The following PCDHA6 variants were observed in gnomAD, a reference collection of about 807,000 sequenced individuals.
The protein encoded by PCDHA6 is protocadherin alpha 6.
Under a neutral mutation model 60.3 loss-of-function variants are expected in PCDHA6, and 55 were observed. The observed-to-expected ratio is 0.91, with a 90% CI of 0.73 to 1.14. The LOEUF (loss-of-function observed/expected upper bound fraction) is 1.14. Among genes scored for constraint, PCDHA6 ranks in the 50% most tolerant of loss-of-function variants. PCDHA6 has a pLI of 0.00. For missense variants in PCDHA6, 1,327 were observed against 1,256.5 expected (o/e 1.06, Z -0.85); for synonymous variants, 652 against 557.9 (o/e 1.17, Z -2.38).
chr5:140,859,587 C>T, intron 1 of PCDHA6: 1 of 166,890 alleles, frequency 6.0e-6, no homozygotes, highest in Non-Finnish European at 1.3e-5. Context: ...TTGCCTATGG[C>T]TCTTAGCAAT....
intron 1 of PCDHA6, chr5:140,882,402 T>A (rs782437506): frequency 3.7e-6 from 6 of 1,614,052 alleles, no homozygotes; most frequent in South Asian, 1.1e-5. Flanking sequence ...GGCACCTTCG[T>A]GGGCCGCATC....
At chr5:140,943,650 C>A (rs2093540673) in intron 1 of PCDHA6, among the ~76,000 whole-genome samples, 1 of 151,974 alleles carries the variant, frequency 6.6e-6, no homozygotes, top group African/African-American at 2.4e-5. Flanking sequence ...ATAAAACCAT[C>A]TATGAACAAT....
At chr5:140,890,995 AATTATTG>A (rs2062893933) in intron 1 of PCDHA6, among the ~76,000 whole-genome samples, 1 of 152,138 alleles carries the variant, frequency 6.6e-6, no homozygotes, top group Non-Finnish European at 1.5e-5. Context: ...ATTTCATCAT[AATTATTG>A]AAAAGCATTT....
At chr5:140,991,505 G>T (rs2097456335) in intron 3 of PCDHA6, among the ~76,000 whole-genome samples, 1 of 152,180 alleles carries the variant, frequency 6.6e-6, no homozygotes, top group Admixed American at 6.5e-5. Context: ...AGTTTCACTG[G>T]CTAAAATCAA....
chr5:140,854,977 TAA>T (rs1490138607), intron 1 of PCDHA6, among the ~76,000 whole-genome samples: 1 of 149,962 alleles, frequency 6.7e-6, no homozygotes, highest in Non-Finnish European at 1.5e-5. Flanking sequence ...GAATTATAAT[TAA>T]GATTCTTTTT....
chr5:140,862,365 G>A (rs569361686), intron 1 of PCDHA6: 7 of 337,896 alleles, frequency 2.1e-5, no homozygotes, highest in African/African-American at 1.3e-4. Context: ...CAGACGACCC[G>A]CACCCTGACT....
At chr5:140,977,589 G>A (rs567353301) in intron 1 of PCDHA6, among the ~76,000 whole-genome samples, 15 of 152,274 alleles carry the variant, frequency 9.9e-5, no homozygotes, top group Admixed American at 2.6e-4. Flanking sequence ...AGAGCAGTTA[G>A]CATGTGAGGA....
chr5:140,871,413 C>T (rs2053063966), intron 1 of PCDHA6: 5 of 1,613,884 alleles, frequency 3.1e-6, no homozygotes, highest in Admixed American at 1.7e-5. Context: ...ACCTCATGGC[C>T]TTCAGCCCCA....
intron 1 of PCDHA6, among the ~76,000 whole-genome samples, chr5:140,885,442 T>A (rs2060596310): frequency 6.6e-6 from 1 of 152,180 alleles, no homozygotes; most frequent in African/African-American, 2.4e-5. Flanking sequence ...TGTGCAATTA[T>A]ATATTATTTA....
chr5:140,927,508 C>T lies in PCDHA6; in HGVS notation c.2395-51441C>T, dbSNP rs551245842. On this transcript the variant is annotated intron_variant, in intron 1 of 3. Coordinates refer to ENST00000529310, the MANE Select transcript of PCDHA6 (RefSeq NM_018909.4). The stretch of plus-strand genomic sequence containing the variant: ...CACCCACCTGCTGGTGCTTACAGCT[C>T]GGGACGGCGGGCTACCTGCCCGCTC... The T allele has an allele frequency of 9.9e-6, 16 of 1,614,074 alleles. No individual in the cohort carries two copies. In the South Asian group the frequency reaches 1.4e-4, roughly 14 times the overall value.
Position 140,857,830 on chromosome 5 carries a change from C to G in PCDHA6, c.2394+27345C>G, listed in dbSNP as rs782060681. On this transcript the variant is annotated intron_variant, in intron 1 of 3. Coordinates refer to ENST00000529310, the MANE Select transcript of PCDHA6 (RefSeq NM_018909.4). ...CGGGTCACGTGGTGGCTAAGGTGCG[C>G]GCAGTGGACGCTGACTCTGGATACA... is the stretch of plus-strand genomic sequence containing the variant. 1.6e-5 allele frequency: 26 copies of G among 1,597,596 alleles called. 3 individuals carry two copies. The highest frequency in any genetic ancestry group is 2.1e-5 in the Non-Finnish European group (25 of 1,167,516).
intron 1 of PCDHA6, chr5:140,860,193 A>T (rs1054138940): frequency 6.9e-6 from 1 of 145,758 alleles, no homozygotes; most frequent in Non-Finnish European, 1.5e-5. Context: ...CTCTCCTTAC[A>T]TATATATCTA....
chr5:140,937,544 G>A (rs1584916814), intron 1 of PCDHA6, among the ~76,000 whole-genome samples: 1 of 151,510 alleles, frequency 6.6e-6, no homozygotes, highest in South Asian at 2.1e-4. Flanking sequence ...TTGAACCTGC[G>A]AGGCAGAGGT....
intron 1 of PCDHA6, among the ~76,000 whole-genome samples, chr5:140,913,960 TA>T (rs201352444): frequency 2.0e-5 from 3 of 152,168 alleles, no homozygotes; most frequent in Non-Finnish European, 2.9e-5. Context: ...ATATCATTTT[TA>T]AAAAAATATT....
At chr5:140,863,326 G>A (rs782427157) in intron 1 of PCDHA6, 10 of 1,432,588 alleles carry the variant, frequency 7.0e-6, no homozygotes, top group Non-Finnish European at 9.5e-6. Flanking sequence ...CAGCCTGTTA[G>A]TGCTCACGTT....
intron 1 of PCDHA6, among the ~76,000 whole-genome samples, chr5:140,978,203 C>T (rs1231262283): frequency 6.6e-6 from 1 of 152,178 alleles, no homozygotes; most frequent in East Asian, 1.9e-4. Context: ...CAATACACAA[C>T]TAATGCAAAA....
chr5:140,961,435 C>T (rs1554225413), intron 1 of PCDHA6, among the ~76,000 whole-genome samples: 1 of 152,174 alleles, frequency 6.6e-6, no homozygotes, highest in Non-Finnish European at 1.5e-5. Flanking sequence ...TACAAAATCA[C>T]CTAACTACAC....
rs10569930 is a variant in PCDHA6, at chr5:140,925,641, TATAATAATAATA to T, written c.2395-53282_2395-53271del. On this transcript the variant is annotated intron_variant, in intron 1 of 3. Coordinates refer to ENST00000529310, the MANE Select transcript of PCDHA6 (RefSeq NM_018909.4). ...TGCACATGTACCCTAGAACTTAAAG[TATAATAATAATA>T]ATAATAATAATAATAATAATAATAA... Among the ~76,000 whole-genome samples the T allele has an allele frequency of 2.0e-4, 29 of 143,352 alleles. 1 individual carries two copies. Among genetic ancestry groups the T allele is most frequent in the Admixed American group, 7.0e-4 (10 of 14,330 alleles). 94.0% of individuals were successfully genotyped at this position (143,352 alleles called of 152,430 possible). A position where few individuals can be genotyped will look rare whatever the true frequency, so the allele number is the denominator to read the frequency against.
rs2150425327 is a variant in PCDHA6 at position 140,848,932 on chromosome 5, G to T, written c.2394+18447G>T. The T allele has an allele frequency of 3.7e-6, 6 of 1,607,494 alleles. No individual in the cohort carries two copies. In the African/African-American group the frequency reaches 8.1e-5, roughly 22 times the overall value. ...AAGAATCTGTTCATCGCGGAATCCA[G>T]GCCGCTTGACTCTCGGTTTCCACTA... On this transcript the variant is annotated intron_variant, in intron 1 of 3. Transcript: ENST00000529310.
Sources: gnomAD v4.1 joint callset for allele counts (sites outside exome capture counted in the v4.1 genomes callset) on GRCh38, gnomAD v4.1.1 for gene constraint, MANE v1.5 for transcripts, NCBI Gene and HGNC (gene_info 2026-07-23, HGNC 2026-07-21) for gene names.